The following MRPL22 variants were observed in gnomAD, a reference collection of about 807,000 sequenced individuals.
The protein encoded by MRPL22 is large ribosomal subunit protein uL22m.
MRPL22 carries 27 observed loss-of-function variants against 32.4 expected under a neutral mutation model. The ratio of observed to expected loss-of-function variants is 0.83; its 90% confidence interval spans 0.61 to 1.15. The LOEUF (loss-of-function observed/expected upper bound fraction) is 1.15. Ranked by LOEUF, MRPL22 falls within the 50% of genes most tolerant of loss-of-function variation. MRPL22 has a pLI of 0.00. For synonymous variants in MRPL22, 86 were observed against 87.3 expected (o/e 0.99, Z 0.08); for missense variants, 239 against 260.2 (o/e 0.92, Z 0.56).
At chr5:154,966,426 C>T (rs191194053) in intron 6 of MRPL22, among the ~76,000 whole-genome samples, 2 of 152,300 alleles carry the variant, frequency 1.3e-5, no homozygotes, top group East Asian at 3.9e-4. Context: ...TTTTATTTTA[C>T]GTCTTTCTTC....
intron 2 of MRPL22, among the ~76,000 whole-genome samples, chr5:154,950,583 A>G (rs1407503684): frequency 1.3e-5 from 2 of 152,190 alleles, no homozygotes; most frequent in African/African-American, 2.4e-5. Flanking sequence ...TCTTGGGTTA[A>G]TATCTATTAA....
intron 2 of MRPL22, among the ~76,000 whole-genome samples, chr5:154,943,258 G>A (rs1346959944): frequency 2.0e-5 from 3 of 151,708 alleles, no homozygotes; most frequent in South Asian, 2.1e-4. Flanking sequence ...TTCCTAAGTA[G>A]CTAGAACTAC....
chr5:154,951,544 A>ATTC (rs1764561652), intron 3 of MRPL22, among the ~76,000 whole-genome samples: 1 of 151,870 alleles, frequency 6.6e-6, no homozygotes, highest in South Asian at 2.1e-4. Flanking sequence ...TTTTATTATT[A>ATTC]TTATTATTTT....
At chr5:154,964,355 TTATA>T (rs945805129) in intron 6 of MRPL22, among the ~76,000 whole-genome samples, 1 of 152,172 alleles carries the variant, frequency 6.6e-6, no homozygotes. Flanking sequence ...CATTACAGTG[TTATA>T]TATATCAGGC....
At chr5:154,963,088 A>T (rs1032817063) in intron 6 of MRPL22, among the ~76,000 whole-genome samples, 1 of 152,130 alleles carries the variant, frequency 6.6e-6, no homozygotes, top group Non-Finnish European at 1.5e-5. Flanking sequence ...ACAGGCATGC[A>T]TCACCACACC....
intron 5 of MRPL22, chr5:154,959,264 G>C (rs1764671306): frequency 6.6e-6 from 1 of 152,004 alleles, no homozygotes; most frequent in Non-Finnish European, 1.5e-5. Flanking sequence ...TCCTGCCTCA[G>C]CCTCCCAAAG....
intron 4 of MRPL22, 66 bp downstream of exon 4, chr5:154,956,502 C>G (rs1010375179): frequency 3.0e-6 from 3 of 994,520 alleles, no homozygotes; most frequent in Admixed American, 2.3e-5. Flanking sequence ...TTCCCCTCCC[C>G]ACCCCTCACC....
At chr5:154,957,000 GTT>G in intron 4 of MRPL22, 133 bp from the exon 5 acceptor site, 2 of 750,226 alleles carry the variant, frequency 2.7e-6, no homozygotes, top group Non-Finnish European at 4.4e-6. Flanking sequence ...TCTCAAACTT[GTT>G]TTCTTCTCTT....
rs571587205 is a variant in MRPL22, at chr5:154,968,887, A to G, written c.*1990A>G. On this transcript the variant is annotated 3_prime_UTR_variant, in exon 7 of 7. Transcript: ENST00000523037. The stretch of plus-strand genomic sequence containing the variant: ...TAAGCCTTCATTTGGAACTGCTTCC[A>G]GTACGTTACAAAAAGTAATAATAGC... 2.0e-5 allele frequency: 3 copies of G among 152,372 alleles called. No individual in the cohort carries two copies. The highest frequency in any genetic ancestry group is 1.9e-4 in the East Asian group (1 of 5,188). The allele number at this position is 152,372 out of a possible 1,614,324, so 9.4% of individuals were successfully genotyped here. A position where few individuals can be genotyped will look rare whatever the true frequency, so the allele number is the denominator to read the frequency against.
chr5:154,956,273 C>A, intron 3 of MRPL22, 98 bp from the exon 4 acceptor site: 2 of 754,918 alleles, frequency 2.6e-6, no homozygotes, highest in South Asian at 3.3e-5. Context: ...TTTCTTTAGG[C>A]CTAGAAAGTA....
chr5:154,951,339 T>C (rs1010840568), intron 3 of MRPL22, among the ~76,000 whole-genome samples: 2 of 152,158 alleles, frequency 1.3e-5, no homozygotes, highest in Non-Finnish European at 2.9e-5. Context: ...TTTGTTTGTT[T>C]GTTTGTTTGT....
Position 154,943,613 on chromosome 5 carries a change from C to CAT in MRPL22, c.77+2356_77+2357dup, listed in dbSNP as rs1025147422. On this transcript the variant is annotated intron_variant, in intron 2 of 6. Coordinates refer to ENST00000523037, the MANE Select transcript of MRPL22 (RefSeq NM_014180.4). ...ATATGCACATATATACATATATACACATATATATACATATATACACATACA... is the reference window on the plus strand; with the variant it reads ...ATATGCACATATATACATATATACACATATATATATACATATATACACATACA... Among the ~76,000 whole-genome samples the CAT allele has an allele frequency of 7.3e-5, 11 of 150,732 alleles. No individual in the cohort carries two copies. The South Asian group carries it at 8.3e-4, about 11-fold the overall frequency.
intron 6 of MRPL22, among the ~76,000 whole-genome samples, chr5:154,961,455 G>A (rs760096266): frequency 2.0e-5 from 3 of 152,182 alleles, no homozygotes; most frequent in Non-Finnish European, 4.4e-5. Flanking sequence ...CAGTTTCACA[G>A]GGATGTGAGA....
intron 2 of MRPL22, among the ~76,000 whole-genome samples, chr5:154,945,969 A>T (rs1393089831): frequency 6.6e-6 from 1 of 152,152 alleles, no homozygotes; most frequent in Non-Finnish European, 1.5e-5. Context: ...TAATTTGATT[A>T]TAGTAGTTTG....
chr5:154,955,880 A>C (rs1764622661), intron 3 of MRPL22: 1 of 155,126 alleles, frequency 6.4e-6, no homozygotes, highest in Admixed American at 6.5e-5. Flanking sequence ...GTAGCTAGTA[A>C]ATGGCAGAGT....
intron 2 of MRPL22, among the ~76,000 whole-genome samples, chr5:154,946,821 CAAAAT>C (rs1561738099): frequency 6.6e-6 from 1 of 151,576 alleles, no homozygotes; most frequent in Non-Finnish European, 1.5e-5. Context: ...AACTCTGTCT[CAAAAT>C]AAAATAAACA....
At chr5:154,942,445 GA>G (rs528064423) in intron 2 of MRPL22, among the ~76,000 whole-genome samples, 72 of 152,270 alleles carry the variant, frequency 4.7e-4, no homozygotes, top group African/African-American at 1.6e-3. Flanking sequence ...GGCTAAAGAA[GA>G]AAATAGGAAG....
intron 6 of MRPL22, among the ~76,000 whole-genome samples, chr5:154,964,620 G>T (rs1764743265): frequency 6.6e-6 from 1 of 152,142 alleles, no homozygotes; most frequent in African/African-American, 2.4e-5. Flanking sequence ...AGAAATGATG[G>T]CATCATGGCT....
In MRPL22 at chr5:154,969,153, C is replaced by G. The variant is rs563341103; in HGVS notation, c.*2256C>G. On this transcript the variant is annotated 3_prime_UTR_variant, in exon 7 of 7. Coordinates refer to ENST00000523037, the MANE Select transcript of MRPL22 (RefSeq NM_014180.4). ...AATCCCCATGTGTCCAGGGAGGGAC[C>G]TGTAATCCCCACCTAGTGACGGAGG... 6.6e-6 allele frequency: 1 copy of G among 152,334 alleles called. No homozygotes were observed. Among genetic ancestry groups the G allele is most frequent in the African/African-American group, 2.4e-5 (1 of 41,578 alleles). The allele number at this position is 152,334 out of a possible 1,614,324, so 9.4% of individuals were successfully genotyped here. A position where few individuals can be genotyped will look rare whatever the true frequency, so the allele number is the denominator to read the frequency against.
Sources: gnomAD v4.1 joint callset for allele counts (sites outside exome capture counted in the v4.1 genomes callset) on GRCh38, gnomAD v4.1.1 for gene constraint, MANE v1.5 for transcripts, NCBI Gene and HGNC (gene_info 2026-07-23, HGNC 2026-07-21) for gene names.